Variants in PECAM1 observed in about 807,000 individuals in gnomAD.
PECAM1 encodes platelet endothelial cell adhesion molecule.
In PECAM1, 8 loss-of-function variants were observed where a neutral mutation model predicts 13.8. That is an observed-to-expected ratio of 0.58 (90% confidence interval 0.34 to 1.05). The LOEUF (loss-of-function observed/expected upper bound fraction) is 1.05, where lower values mean the gene tolerates loss of function less well. Among genes scored for constraint, PECAM1 ranks in the 50% least tolerant of loss-of-function variants. PECAM1 has a pLI of 0.03. For synonymous variants in PECAM1, 136 were observed against 52.6 expected (o/e 2.58, Z -6.86); for missense variants, 304 against 141.2 (o/e 2.15, Z -5.84).
intron 8 of PECAM1, 93 bp downstream of exon 8, chr17:64,356,018 G>C (rs1598025770): frequency 4.3e-6 from 2 of 469,750 alleles, no homozygotes; most frequent in Admixed American, 3.2e-5. Context: ...ACATAAGCTA[G>C]ACTCCCCCCC....
chr17:64,362,574 C>A (rs2036008441), intron 6 of PECAM1, among the ~76,000 whole-genome samples: 4 of 152,036 alleles, frequency 2.6e-5, no homozygotes, highest in Non-Finnish European at 5.9e-5. Context: ...ATGGCGTGAA[C>A]CCAGGAGGCG....
intron 7 of PECAM1, 76 bp from the exon 8 acceptor site, chr17:64,356,474 CTT>C (rs201490938): frequency 3.1e-4 from 107 of 344,466 alleles, no homozygotes; most frequent in South Asian, 4.5e-4. Flanking sequence ...CACTGCTCAA[CTT>C]TTTTTTTTTT....
At chr17:64,329,845 C>T in intron 14 of PECAM1, 123 bp from the exon 15 acceptor site, 1 of 708,574 alleles carries the variant, frequency 1.4e-6, no homozygotes. Flanking sequence ...CAGGAGACAT[C>T]AGCCGGCAGG....
intron 15 of PECAM1, among the ~76,000 whole-genome samples, chr17:64,327,883 C>T (rs568915567): frequency 1.7e-4 from 26 of 152,332 alleles, no homozygotes; most frequent in Admixed American, 1.1e-3. Flanking sequence ...AATCTCCTCC[C>T]ATTTCCCCAC....
chr17:64,381,885 G>C (rs1470863882), intron 2 of PECAM1, among the ~76,000 whole-genome samples: 1 of 152,136 alleles, frequency 6.6e-6, no homozygotes. Flanking sequence ...TGGATCACTT[G>C]AGGTCAGGAG....
intron 14 of PECAM1, among the ~76,000 whole-genome samples, chr17:64,340,523 G>A (rs2035399560): frequency 6.6e-6 from 1 of 152,060 alleles, no homozygotes; most frequent in African/African-American, 2.4e-5. Flanking sequence ...CAATGTTTAC[G>A]TCTTTCGGAT....
intron 4 of PECAM1, among the ~76,000 whole-genome samples, chr17:64,372,818 T>C (rs2036271033): frequency 6.6e-6 from 1 of 151,210 alleles, no homozygotes; most frequent in South Asian, 2.1e-4. Context: ...CTGAAGTTTT[T>C]AACTGAAAAT....
chr17:64,388,367 AG>A (rs2036645024), intron 2 of PECAM1, among the ~76,000 whole-genome samples: 1 of 152,014 alleles, frequency 6.6e-6, no homozygotes, highest in East Asian at 1.9e-4. Flanking sequence ...ACAGTCGTAA[AG>A]GGGGGCTAGG....
chr17:64,377,465 G>T (rs1345073034), intron 3 of PECAM1: 6 of 156,090 alleles, frequency 3.8e-5, no homozygotes, highest in Non-Finnish European at 8.5e-5. Flanking sequence ...TACAAAATTA[G>T]CCAGGTGTGG....
chr17:64,348,752 G>T (rs1244118545), intron 12 of PECAM1, among the ~76,000 whole-genome samples: 1 of 152,068 alleles, frequency 6.6e-6, no homozygotes, highest in Non-Finnish European at 1.5e-5. Flanking sequence ...TTTCATTCAG[G>T]TTATTAAAGT....
intron 14 of PECAM1, among the ~76,000 whole-genome samples, chr17:64,341,227 G>A (rs1490403519): frequency 1.3e-5 from 2 of 151,608 alleles, no homozygotes; most frequent in African/African-American, 4.9e-5. Flanking sequence ...TTGCACCACT[G>A]CACTCCAGCC....
intron 11 of PECAM1, among the ~76,000 whole-genome samples, 155 bp downstream of exon 11, chr17:64,352,235 A>G (rs2035741172): frequency 6.6e-6 from 1 of 152,172 alleles, no homozygotes; most frequent in Non-Finnish European, 1.5e-5. Flanking sequence ...CGTATATTAC[A>G]TGGCCCAGTG....
intron 13 of PECAM1, among the ~76,000 whole-genome samples, chr17:64,345,499 G>A (rs2035540880): frequency 6.6e-6 from 1 of 152,032 alleles, no homozygotes; most frequent in Non-Finnish European, 1.5e-5. Flanking sequence ...GATCACCTGA[G>A]GTCAGGAGTT....
chr17:64,333,210 C>T (rs116486123), intron 14 of PECAM1, among the ~76,000 whole-genome samples: 5,567 of 152,154 alleles, frequency 0.037, 123 homozygotes, highest in East Asian at 0.072. Context: ...GAGTAGATTC[C>T]GTGATGGGGA....
At chr17:64,338,019 C>T (rs2035327528) in intron 14 of PECAM1, among the ~76,000 whole-genome samples, 1 of 150,810 alleles carries the variant, frequency 6.6e-6, no homozygotes, top group African/African-American at 2.4e-5. Context: ...GTCAGAAAAC[C>T]TAAGAGAGTA....
Position 64,321,353 on chromosome 17 carries a change from G to A in PECAM1, c.*2463C>T, listed in dbSNP as rs537947511. 1.9e-5 allele frequency: 16 copies of A among 863,742 alleles called. No individual in the cohort carries two copies. Among genetic ancestry groups the A allele is most frequent in the Non-Finnish European group, 2.2e-5 (16 of 718,912 alleles). 53.5% of individuals were successfully genotyped at this position (863,742 alleles called of 1,614,324 possible). A position where few individuals can be genotyped will look rare whatever the true frequency, so the allele number is the denominator to read the frequency against. On this transcript the variant is annotated 3_prime_UTR_variant, in exon 16 of 16. Transcript: ENST00000563924. Reference sequence around the variant, plus strand: ...GCTGCCGAGGAAGGCTAAAGCCAGCGTCCTGGATTCAGACAGACCTTTTAG... The same window carrying A: ...GCTGCCGAGGAAGGCTAAAGCCAGCATCCTGGATTCAGACAGACCTTTTAG...
At chr17:64,353,375 T>C in intron 10 of PECAM1, 116 bp downstream of exon 10, 1 of 410,226 alleles carries the variant, frequency 2.4e-6, no homozygotes. Flanking sequence ...AAGGAAGGCC[T>C]ATATTTTTCT....
At chr17:64,388,191 G>C (rs1403286406) in intron 2 of PECAM1, among the ~76,000 whole-genome samples, 2 of 152,254 alleles carry the variant, frequency 1.3e-5, no homozygotes, top group Non-Finnish European at 2.9e-5. Context: ...GGTGTGGAGG[G>C]GGAGAGGGGA....
At chr17:64,338,235 TA>T (rs1375573232) in intron 14 of PECAM1, among the ~76,000 whole-genome samples, 41 of 124,412 alleles carry the variant, frequency 3.3e-4, no homozygotes, top group South Asian at 1.6e-3. Flanking sequence ...TTAAATTTTT[TA>T]AAATTTTTTT....
Sources: allele counts gnomAD v4.1 joint callset (sites outside exome capture counted in the v4.1 genomes callset), GRCh38; gene constraint gnomAD v4.1.1; transcripts MANE v1.5; gene names NCBI Gene and HGNC (gene_info 2026-07-23, HGNC 2026-07-21).